Variants in THSD4 observed in about 807,000 individuals in gnomAD.
The protein encoded by THSD4 is thrombospondin type 1 domain containing 4.
THSD4 carries 69 observed loss-of-function variants against 119.0 expected under a neutral mutation model. The ratio of observed to expected loss-of-function variants is 0.58; its 90% CI spans 0.48 to 0.71. The LOEUF is 0.71. Among genes scored for constraint, THSD4 ranks in the 30% least tolerant of loss-of-function variants. The pLI is 0.00. For missense variants in THSD4, 1,393 were observed against 1,391.1 expected (o/e 1.00, Z -0.02); for synonymous variants, 524 against 540.4 (o/e 0.97, Z 0.42).
At position 71,643,344 on chromosome 15, in the gene THSD4, G is replaced by A. The variant is rs143368229; in HGVS notation, c.1153-17186G>A. On this transcript the variant is annotated intron_variant, in intron 7 of 17. Coordinates refer to ENST00000261862, the MANE Select transcript of THSD4 (RefSeq NM_024817.3). ...AATTTTTAGGTTCAAGAGTACATGT[G>A]CAGGTTTGTTGTATAGGTAAACTCA... Among the ~76,000 whole-genome samples the A allele has an allele frequency of 6.1e-3, 921 of 152,224 alleles. 6 individuals are homozygous for A. The highest frequency in any genetic ancestry group is 0.011 in the Non-Finnish European group (722 of 67,998).
At chr15:71,523,949 C>T (rs1425649072) in intron 7 of THSD4, among the ~76,000 whole-genome samples, 1 of 152,176 alleles carries the variant, frequency 6.6e-6, no homozygotes, top group African/African-American at 2.4e-5. Context: ...GGTGTCTATC[C>T]TGCAGGATTT....
intron 7 of THSD4, among the ~76,000 whole-genome samples, chr15:71,544,041 T>C (rs2048800881): frequency 6.6e-6 from 1 of 151,466 alleles, no homozygotes; most frequent in Admixed American, 6.6e-5. Context: ...AAAATAAAAA[T>C]AAAAAAAGAG....
At chr15:71,180,191 A>G (rs186279771) in intron 3 of THSD4, among the ~76,000 whole-genome samples, 195 of 151,236 alleles carry the variant, frequency 1.3e-3, no homozygotes, top group African/African-American at 4.6e-3. Flanking sequence ...AAAAGACACT[A>G]TCAACAGAGT....
chr15:71,130,644 G>T (rs2040494861), intron 1 of THSD4, among the ~76,000 whole-genome samples: 1 of 152,146 alleles, frequency 6.6e-6, no homozygotes, highest in Non-Finnish European at 1.5e-5. Flanking sequence ...TGTAAAATGG[G>T]GATAGGAATA....
At chr15:71,110,906 C>T (rs112075781), upstream of THSD4, 4,959 of 528,516 alleles carry the variant, frequency 9.4e-3, 40 homozygotes, top group Non-Finnish European at 0.013. Flanking sequence ...AGGCCCTGGG[C>T]GTATGCCGTA....
At chr15:71,720,530 G>C (rs1385961973) in intron 8 of THSD4, among the ~76,000 whole-genome samples, 1 of 152,186 alleles carries the variant, frequency 6.6e-6, no homozygotes. Flanking sequence ...ACTATTATGG[G>C]TGTTACCACA....
intron 7 of THSD4, among the ~76,000 whole-genome samples, chr15:71,638,510 A>T (rs898679031): frequency 6.6e-6 from 1 of 152,214 alleles, no homozygotes; most frequent in Admixed American, 6.5e-5. Context: ...GTAGCATTCT[A>T]TGTCTATGAA....
intron 1 of THSD4, among the ~76,000 whole-genome samples, chr15:71,124,355 T>G (rs2141355752): frequency 6.6e-6 from 1 of 152,380 alleles, no homozygotes; most frequent in Admixed American, 6.5e-5. Flanking sequence ...TTCTTGATTT[T>G]TATTCAATCA....
At chr15:71,683,707 G>T (rs2051845277) in intron 8 of THSD4, among the ~76,000 whole-genome samples, 1 of 152,168 alleles carries the variant, frequency 6.6e-6, no homozygotes, top group African/African-American at 2.4e-5. Flanking sequence ...AGGCTCAGTG[G>T]CTTACACCTG....
intron 7 of THSD4, among the ~76,000 whole-genome samples, chr15:71,427,132 C>T (rs2046880433): frequency 6.6e-6 from 1 of 151,010 alleles, no homozygotes; most frequent in Admixed American, 6.6e-5. Context: ...AGAACAACTA[C>T]CCAACATAAA....
intron 7 of THSD4, among the ~76,000 whole-genome samples, chr15:71,587,787 T>TAAAAAAAAAAAAAAAAAAAAAAA (rs1207231444): frequency 9.5e-6 from 1 of 105,554 alleles, no homozygotes; most frequent in Non-Finnish European, 1.9e-5. Context: ...AAAAAAAAAT[T>TAAAAAAAAAAAAAAAAAAAAAAA]AAAAAAAAAA....
chr15:71,391,280 C>T (rs747059568), intron 6 of THSD4, among the ~76,000 whole-genome samples: 1 of 152,080 alleles, frequency 6.6e-6, no homozygotes, highest in African/African-American at 2.4e-5. Flanking sequence ...CCGCCTGCCT[C>T]GGCCTCTCAA....
chr15:71,387,948 AT>A (rs1050486515), intron 6 of THSD4, among the ~76,000 whole-genome samples: 1 of 152,028 alleles, frequency 6.6e-6, no homozygotes, highest in Non-Finnish European at 1.5e-5. Context: ...TTTTGATCTT[AT>A]TTTCCCCCCT....
intron 7 of THSD4, among the ~76,000 whole-genome samples, chr15:71,536,997 A>T (rs1263947133): frequency 6.6e-6 from 1 of 152,188 alleles, no homozygotes; most frequent in East Asian, 1.9e-4. Context: ...ATAGGAGTTC[A>T]CTTTTTGGAT....
intron 8 of THSD4, among the ~76,000 whole-genome samples, chr15:71,708,295 A>G (rs2052432639): frequency 6.6e-6 from 1 of 152,160 alleles, no homozygotes; most frequent in Non-Finnish European, 1.5e-5. Context: ...ACTTCTAGAC[A>G]GTTTTATGAC....
chr15:71,238,361 C>G (rs982494905), intron 4 of THSD4, among the ~76,000 whole-genome samples: 4 of 152,116 alleles, frequency 2.6e-5, no homozygotes, highest in Non-Finnish European at 5.9e-5. Context: ...TACTATGTAA[C>G]TCAATAGTTT....
rs557431098 is a variant in THSD4, at chr15:71,268,362, T to C, written c.1015+11647T>C. ...AACCTTCTCCTGAATAACTACTGGG[T>C]AAATAACGAAATTAAGGCAGAAATA... On this transcript the variant is annotated intron_variant, in intron 6 of 17. Transcript: ENST00000261862. Among the ~76,000 whole-genome samples the C allele has an allele frequency of 2.0e-5, 3 of 152,290 alleles. No individual in the cohort carries two copies. The South Asian group carries it at 6.2e-4, about 32-fold the overall frequency.
intron 8 of THSD4, among the ~76,000 whole-genome samples, chr15:71,661,806 T>C (rs1753349295): frequency 6.6e-6 from 1 of 152,246 alleles, no homozygotes; most frequent in Admixed American, 6.5e-5. Flanking sequence ...TTTTATCTTT[T>C]AATTATTTAT....
At chr15:71,527,137 C>T (rs2048533456) in intron 7 of THSD4, among the ~76,000 whole-genome samples, 1 of 152,120 alleles carries the variant, frequency 6.6e-6, no homozygotes, top group South Asian at 2.1e-4. Context: ...CTGCCTTTCA[C>T]CATGTAAGGA....
Sources: allele counts gnomAD v4.1 joint callset (sites outside exome capture counted in the v4.1 genomes callset), GRCh38; gene constraint gnomAD v4.1.1; transcripts MANE v1.5; gene names NCBI Gene and HGNC (gene_info 2026-07-23, HGNC 2026-07-21).